IQCJ: variants seen among roughly 807,000 people sequenced by gnomAD.
IQCJ encodes IQ motif containing J.
A neutral mutation model predicts 11.0 loss-of-function variants in IQCJ; 9 were observed. The observed-to-expected ratio is 0.82, with a 90% CI of 0.49 to 1.43. IQCJ has a LOEUF of 1.43. Among genes scored for constraint, IQCJ ranks in the 40% most tolerant of loss-of-function variants. The probability of loss-of-function intolerance (pLI) is 0.00; values close to 1 mark genes in which losing one functional copy is unlikely to be tolerated. For synonymous variants in IQCJ, 55 were observed against 51.3 expected (o/e 1.07, Z -0.31); for missense variants, 146 against 133.2 (o/e 1.10, Z -0.47).
intron 1 of IQCJ, among the ~76,000 whole-genome samples, chr3:159,150,977 A>G (rs539125775): frequency 6.6e-6 from 1 of 152,242 alleles, no homozygotes; most frequent in Non-Finnish European, 1.5e-5. Context: ...CTGCTCTGTC[A>G]GGCCTTTTCA....
At chr3:159,145,347 A>T (rs959488357) in intron 1 of IQCJ, among the ~76,000 whole-genome samples, 1 of 152,232 alleles carries the variant, frequency 6.6e-6, no homozygotes, top group Non-Finnish European at 1.5e-5. Context: ...GCATAGAGTT[A>T]AATGTCTTCT....
intron 3 of IQCJ, among the ~76,000 whole-genome samples, chr3:159,258,293 C>T (rs1728008071): frequency 6.6e-6 from 1 of 152,168 alleles, no homozygotes; most frequent in African/African-American, 2.4e-5. Context: ...CCAGAGCAGC[C>T]TTTAATAGAC....
downstream of IQCJ, chr3:159,265,518 T>TCC: frequency 1.2e-6 from 1 of 809,574 alleles, no homozygotes; most frequent in Non-Finnish European, 1.9e-6. Context: ...ACTTCTGTGT[T>TCC]AAAAGCCTTC....
intron 3 of IQCJ, among the ~76,000 whole-genome samples, chr3:159,253,780 C>T (rs1002340629): frequency 6.6e-6 from 1 of 152,186 alleles, no homozygotes; most frequent in Admixed American, 6.5e-5. Flanking sequence ...AAGAAGGGCA[C>T]CTTGAGGTGT....
At chr3:159,157,821 G>A (rs1262870421) in intron 1 of IQCJ, among the ~76,000 whole-genome samples, 3 of 152,098 alleles carry the variant, frequency 2.0e-5, no homozygotes, top group Admixed American at 2.0e-4. Flanking sequence ...CTACATTATT[G>A]TGCATGTTAT....
chr3:159,207,785 G>T (rs752528819), intron 1 of IQCJ, among the ~76,000 whole-genome samples: 1 of 152,180 alleles, frequency 6.6e-6, no homozygotes, highest in Non-Finnish European at 1.5e-5. Flanking sequence ...AGCTCCATCT[G>T]GTTGGTGTTG....
At chr3:159,170,211 CAAGTT>C (rs2108236026) in intron 1 of IQCJ, among the ~76,000 whole-genome samples, 1 of 152,012 alleles carries the variant, frequency 6.6e-6, no homozygotes, top group African/African-American at 2.4e-5. Flanking sequence ...TCAAGGAACT[CAAGTT>C]AGGAAGAAAT....
chr3:159,149,844 C>T (rs1721110593), intron 1 of IQCJ, among the ~76,000 whole-genome samples: 1 of 152,150 alleles, frequency 6.6e-6, no homozygotes, highest in African/African-American at 2.4e-5. Context: ...TTTAGGGAGG[C>T]TTCCAAGGGC....
At chr3:159,085,975 G>A (rs559620647) in intron 1 of IQCJ, among the ~76,000 whole-genome samples, 1 of 152,170 alleles carries the variant, frequency 6.6e-6, no homozygotes, top group African/African-American at 2.4e-5. Context: ...TGGTGTTTTA[G>A]ACATGAAGCC....
chr3:159,249,005 T>C (rs143716801), intron 2 of IQCJ, among the ~76,000 whole-genome samples: 154 of 152,010 alleles, frequency 1.0e-3, no homozygotes, highest in African/African-American at 3.5e-3. Context: ...TATAGGTGCC[T>C]GCCACCACAC....
At chr3:159,129,878 C>A (rs963864522) in intron 1 of IQCJ, among the ~76,000 whole-genome samples, 11 of 152,074 alleles carry the variant, frequency 7.2e-5, no homozygotes, top group African/African-American at 2.7e-4. Context: ...TTGATAAAAT[C>A]CACTGACCTT....
At chr3:159,093,486 G>A (rs944415046) in intron 1 of IQCJ, among the ~76,000 whole-genome samples, 7 of 151,784 alleles carry the variant, frequency 4.6e-5, no homozygotes, top group African/African-American at 1.7e-4. Flanking sequence ...ACTTTTGAGT[G>A]ATGACCTCAG....
chr3:159,251,995 TCTC>T (rs1263459556), intron 2 of IQCJ, among the ~76,000 whole-genome samples: 3 of 152,238 alleles, frequency 2.0e-5, no homozygotes, highest in Admixed American at 6.5e-5. Flanking sequence ...TTCCTTTTGT[TCTC>T]CTATTTTTTT....
At chr3:159,111,784 T>C (rs1041164674) in intron 1 of IQCJ, among the ~76,000 whole-genome samples, 10 of 152,232 alleles carry the variant, frequency 6.6e-5, no homozygotes, top group Non-Finnish European at 2.9e-5. Context: ...AAAGTAATAC[T>C]ATTAGTTGGA....
In IQCJ at chr3:159,197,970, C is replaced by G. The variant is rs146036977; in HGVS notation, c.10-47873C>G. 4.4e-3 allele frequency among the ~76,000 whole-genome samples: 676 copies of G among 152,124 alleles called. 2 individuals are homozygous for G. The highest frequency in any genetic ancestry group is 6.5e-3 in the Non-Finnish European group (440 of 67,994). On this transcript the variant is annotated intron_variant, in intron 1 of 3. Coordinates refer to ENST00000397832, the MANE Select transcript of IQCJ (RefSeq NM_001042706.3). Reference sequence around the variant, plus strand: ...AACCATGCCCATGGGCTGATGTGTTCTGTGGCCTCTAGTTTGCAACCAGTG... The same window carrying G: ...AACCATGCCCATGGGCTGATGTGTTGTGTGGCCTCTAGTTTGCAACCAGTG...
intron 1 of IQCJ, among the ~76,000 whole-genome samples, chr3:159,072,583 T>C (rs1715648126): frequency 6.6e-6 from 1 of 152,164 alleles, no homozygotes; most frequent in African/African-American, 2.4e-5. Flanking sequence ...ACATTTCTCC[T>C]ATTTTGTTAT....
intron 1 of IQCJ, among the ~76,000 whole-genome samples, chr3:159,110,820 CCTT>C (rs1718579269): frequency 6.6e-6 from 1 of 152,116 alleles, no homozygotes. Context: ...ATAAACATGT[CCTT>C]CTCTCCACCT....
chr3:159,071,762 A>G (rs75333706), intron 1 of IQCJ, among the ~76,000 whole-genome samples: 2,341 of 152,192 alleles, frequency 0.015, 69 homozygotes, highest in African/African-American at 0.053. Flanking sequence ...GTCTCTAAGT[A>G]TGACCTCCTA....
At chr3:159,131,601 C>T (rs1279326542) in intron 1 of IQCJ, among the ~76,000 whole-genome samples, 2 of 152,074 alleles carry the variant, frequency 1.3e-5, no homozygotes, top group East Asian at 3.9e-4. Flanking sequence ...ATTATATTTT[C>T]CTGGAGGTTG....
Sources: gnomAD v4.1 joint callset for allele counts (sites outside exome capture counted in the v4.1 genomes callset) on GRCh38, gnomAD v4.1.1 for gene constraint, MANE v1.5 for transcripts, NCBI Gene and HGNC (gene_info 2026-07-23, HGNC 2026-07-21) for gene names.